Variants in CAPRIN1 observed in about 807,000 individuals in gnomAD.
The protein encoded by CAPRIN1 is caprin-1.
CAPRIN1 carries 29 observed loss-of-function variants against 100.9 expected under a neutral mutation model. The ratio of observed to expected loss-of-function variants is 0.29; its 90% CI spans 0.21 to 0.39. CAPRIN1 has a LOEUF of 0.39. Ranked by LOEUF, CAPRIN1 falls within the 10% of genes least tolerant of loss-of-function variation. CAPRIN1 has a pLI of 1.00. For synonymous variants in CAPRIN1, 338 were observed against 307.5 expected (o/e 1.10, Z -1.04); for missense variants, 795 against 876.7 (o/e 0.91, Z 1.18).
intron 2 of CAPRIN1, among the ~76,000 whole-genome samples, chr11:34,070,894 G>T (rs1293604393): frequency 6.6e-6 from 1 of 151,404 alleles, no homozygotes; most frequent in Non-Finnish European, 1.5e-5. Flanking sequence ...TAGAGACGAG[G>T]TTTCTCCATG....
At position 34,052,414 on chromosome 11, in the gene CAPRIN1, T is replaced by C. The variant is rs775770136; in HGVS notation, c.1-7T>C. The C allele has an allele frequency of 1.2e-6, 2 of 1,604,824 alleles. No homozygotes were observed. Among genetic ancestry groups the C allele is most frequent in the Non-Finnish European group, 1.7e-6 (2 of 1,177,440 alleles). ...CGCTTTTTCTTCTCTCTCCTTGCGG[T>C]CTGAAGATGCCCTCGGCCACCAGCC... On this transcript the variant is annotated splice_polypyrimidine_tract_variant and splice_region_variant and intron_variant, in intron 1 of 18. Coordinates refer to ENST00000341394, the MANE Select transcript of CAPRIN1 (RefSeq NM_005898.5).
intron 2 of CAPRIN1, among the ~76,000 whole-genome samples, chr11:34,066,612 G>A (rs372004290): frequency 1.3e-5 from 2 of 150,790 alleles, no homozygotes; most frequent in East Asian, 2.0e-4. Flanking sequence ...AATTACAGGC[G>A]TGAGCCACTG....
At chr11:34,089,487 C>T (rs1355476915) in intron 12 of CAPRIN1, 31 bp downstream of exon 12, 2 of 1,386,528 alleles carry the variant, frequency 1.4e-6, no homozygotes, top group Non-Finnish European at 1.0e-6. Flanking sequence ...TTCTTCAGGG[C>T]CAGGTTAGGT....
intron 9 of CAPRIN1, 144 bp from the exon 10 acceptor site, chr11:34,085,920 A>G: frequency 1.6e-6 from 1 of 621,538 alleles, no homozygotes; most frequent in Middle Eastern, 4.2e-4. Context: ...TTTGGCATAA[A>G]TGTAATTCAT....
intron 17 of CAPRIN1, among the ~76,000 whole-genome samples, 165 bp from the exon 18 acceptor site, chr11:34,097,533 A>G (rs1293526455): frequency 6.6e-6 from 1 of 152,368 alleles, no homozygotes; most frequent in East Asian, 1.9e-4. Flanking sequence ...CTTTGAGAAT[A>G]GTAGAAGTAC....
At chr11:34,072,385 G>A (rs1233891266) in intron 4 of CAPRIN1, among the ~76,000 whole-genome samples, 4 of 151,624 alleles carry the variant, frequency 2.6e-5, no homozygotes, top group Admixed American at 2.0e-4. Flanking sequence ...TGACAACCAT[G>A]TATAGTAGCT....
intron 15 of CAPRIN1, among the ~76,000 whole-genome samples, chr11:34,094,146 C>T (rs1013150993): frequency 1.3e-5 from 2 of 151,982 alleles, no homozygotes; most frequent in Non-Finnish European, 2.9e-5. Context: ...TGAGGCCAGG[C>T]GTTCATGATG....
chr11:34,086,293 CTT>C lies in CAPRIN1; in HGVS notation c.1123-11_1123-10del. ...ATTATTTGACTTTATTCTATCCTAA[CTT>C]AACCTGTAGGATTCAATGCTGGATT... On this transcript the variant is annotated splice_polypyrimidine_tract_variant and intron_variant, in intron 10 of 18. Transcript: ENST00000341394. The C allele has an allele frequency of 1.2e-6, 2 of 1,608,378 alleles. No individual in the cohort carries two copies. Among genetic ancestry groups the C allele is most frequent in the Non-Finnish European group, 1.7e-6 (2 of 1,175,112 alleles).
chr11:34,091,514 T>A (rs184937798), intron 14 of CAPRIN1: 1 of 154,766 alleles, frequency 6.5e-6, no homozygotes, highest in Non-Finnish European at 1.4e-5. Flanking sequence ...CTTGAACTTT[T>A]GGCTTCAGAT....
rs147947433 is a variant in CAPRIN1, at chr11:34,079,010, G to T, written c.689-618G>T. The stretch of plus-strand genomic sequence containing the variant: ...CTTTACATAACTTTTTGTTTTCCCA[G>T]TGCCTAGCATATTGTCTAATGTGTA... On this transcript the variant is annotated intron_variant, in intron 6 of 18. Coordinates refer to ENST00000341394, the MANE Select transcript of CAPRIN1 (RefSeq NM_005898.5). Among the ~76,000 whole-genome samples the T allele has an allele frequency of 4.0e-4, 41 of 103,532 alleles. No individual in the cohort carries two copies. The South Asian group carries it at 5.3e-3, about 13-fold the overall frequency. 67.9% of individuals were successfully genotyped at this position (103,532 alleles called of 152,430 possible). A position where few individuals can be genotyped will look rare whatever the true frequency, so the allele number is the denominator to read the frequency against.
chr11:34,079,638 A>G lies in CAPRIN1; in HGVS notation c.699A>G (p.Leu233=), dbSNP rs761418856. 1 of 1,613,740 alleles carries G rather than the reference A, an allele frequency of 6.2e-7. No homozygotes were observed. Among genetic ancestry groups the G allele is most frequent in the African/African-American group, 1.3e-5 (1 of 75,032 alleles). The change falls in exon 7 of 19, where the codon CTA becomes CTG. Residue 233 remains leucine, a synonymous_variant. Transcript: ENST00000341394. ...KPVCGTTYKV[L]KEIVERVFQS... is the part of the protein sequence containing the mutation. The stretch of plus-strand genomic sequence containing the variant: ...TGTTCTTTTTCTTAGATAAAGTTCT[A>G]AAGGAAATTGTTGAGCGTGTTTTTC...
rs751598776 is a variant in CAPRIN1, at chr11:34,071,717, T to G, written c.217-9T>G. 8.7e-6 allele frequency: 14 copies of G among 1,603,902 alleles called. No homozygotes were observed. Among genetic ancestry groups the G allele is most frequent in the Non-Finnish European group, 9.4e-6 (11 of 1,171,500 alleles). On this transcript the variant is annotated splice_polypyrimidine_tract_variant and intron_variant, in intron 2 of 18. Transcript: ENST00000341394. ...ACGGAATGTAATTCTTTTTTTTCTT[T>G]TAACATAGGGTAAGCTTGATGATTA...
At chr11:34,069,659 A>AAATT (rs139488088) in intron 2 of CAPRIN1, among the ~76,000 whole-genome samples, 12,597 of 151,794 alleles carry the variant, frequency 0.083, 520 homozygotes, top group Non-Finnish European at 0.091. Flanking sequence ...GTAAAAAAAA[A>AAATT]TTTTTTTCCC....
In CAPRIN1 at chr11:34,099,571, T is replaced by G; in HGVS notation, c.*204T>G. 1 of 596,812 alleles carries G rather than the reference T, an allele frequency of 1.7e-6. No individual in the cohort carries two copies. Among genetic ancestry groups the G allele is most frequent in the Non-Finnish European group, 3.0e-6 (1 of 333,446 alleles). 37.0% of individuals were successfully genotyped at this position (596,812 alleles called of 1,614,324 possible). On this transcript the variant is annotated 3_prime_UTR_variant, in exon 19 of 19. Transcript: ENST00000341394. ...AGGAAACTATTTTTACTCTGCATGT[T>G]CTGTCCTAAGCGTCATCTTGAGCCT...
chr11:34,052,645 A>C lies in CAPRIN1; in HGVS notation c.216+9A>C, dbSNP rs992393240. 9 of 1,600,082 alleles carry C rather than the reference A, an allele frequency of 5.6e-6. No individual in the cohort carries two copies. In the African/African-American group the frequency reaches 1.1e-4, roughly 19 times the overall value. ...ACCTGGAGAAGAAAAAGGTGCCAGG[A>C]GTTGGCGGGGAAGGGAGGGGTGGCT... On this transcript the variant is annotated intron_variant, in intron 2 of 18. Coordinates refer to ENST00000341394, the MANE Select transcript of CAPRIN1 (RefSeq NM_005898.5).
At chr11:34,090,346 CA>C (rs1435438160) in intron 13 of CAPRIN1, 57 bp downstream of exon 13, 1 of 1,290,702 alleles carries the variant, frequency 7.7e-7, no homozygotes, top group Non-Finnish European at 1.1e-6. Flanking sequence ...ATGAATTGAA[CA>C]GATGTACATT....
intron 18 of CAPRIN1, chr11:34,098,410 T>A: frequency 1.0e-6 from 1 of 985,426 alleles, no homozygotes; most frequent in Non-Finnish European, 1.2e-6. Flanking sequence ...GAAAACTACT[T>A]CCCATTTTGG....
At chr11:34,089,519 T>G in intron 12 of CAPRIN1, 63 bp downstream of exon 12, 1 of 906,540 alleles carries the variant, frequency 1.1e-6, no homozygotes, top group Non-Finnish European at 1.8e-6. Context: ...ATAATCCTAG[T>G]ACTTTAGGAG....
intron 2 of CAPRIN1, chr11:34,052,942 C>A (rs1850359627): frequency 1.6e-6 from 2 of 1,224,872 alleles, no homozygotes; most frequent in South Asian, 3.7e-5. Flanking sequence ...AGGGTGGGGG[C>A]CTGTCGTCAG....
Sources: gnomAD v4.1 joint callset for allele counts (sites outside exome capture counted in the v4.1 genomes callset) on GRCh38, gnomAD v4.1.1 for gene constraint, MANE v1.5 for transcripts, NCBI Gene and HGNC (gene_info 2026-07-23, HGNC 2026-07-21) for gene names.